ADK: variants seen among roughly 807,000 people sequenced by gnomAD.
ADK encodes the protein N6,N6-dimethyladenosine kinase.
In ADK, 24 loss-of-function variants were observed where a neutral mutation model predicts 44.7. The observed-to-expected ratio is 0.54, with a 90% confidence interval of 0.39 to 0.76. The LOEUF (loss-of-function observed/expected upper bound fraction) is 0.76. Ranked by LOEUF, ADK falls within the 30% of genes least tolerant of loss-of-function variation. The pLI is 0.00. For synonymous variants in ADK, 128 were observed against 142.6 expected (o/e 0.90, Z 0.73); for missense variants, 321 against 425.1 (o/e 0.76, Z 2.15).
intron 1 of ADK, among the ~76,000 whole-genome samples, chr10:74,163,835 CAT>C (rs1243266452): frequency 1.3e-5 from 2 of 152,170 alleles, no homozygotes; most frequent in South Asian, 2.1e-4. Flanking sequence ...AACTTAACCA[CAT>C]AGAGATTTAA....
At chr10:74,278,639 T>C (rs1371122834) in intron 3 of ADK, among the ~76,000 whole-genome samples, 1 of 152,184 alleles carries the variant, frequency 6.6e-6, no homozygotes, top group East Asian at 1.9e-4. Context: ...TTGACCAATA[T>C]GTCCTTTTTC....
intron 5 of ADK, among the ~76,000 whole-genome samples, chr10:74,395,550 T>C (rs1158614176): frequency 6.6e-6 from 1 of 152,126 alleles, no homozygotes; most frequent in Non-Finnish European, 1.5e-5. Flanking sequence ...AAAAAACAAC[T>C]AAAAATGTTG....
intron 4 of ADK, among the ~76,000 whole-genome samples, chr10:74,355,776 G>T (rs181638184): frequency 4.6e-5 from 7 of 152,104 alleles, no homozygotes; most frequent in Admixed American, 2.6e-4. Context: ...TATATATAAA[G>T]ACTTAGGTTT....
At chr10:74,523,127 A>G (rs1848904665) in intron 6 of ADK, among the ~76,000 whole-genome samples, 3 of 152,220 alleles carry the variant, frequency 2.0e-5, no homozygotes, top group Non-Finnish European at 4.4e-5. Flanking sequence ...ATTTATCAAA[A>G]GAAACTAATA....
chr10:74,303,884 G>T (rs555223499), intron 3 of ADK, among the ~76,000 whole-genome samples: 2 of 151,362 alleles, frequency 1.3e-5, no homozygotes, highest in African/African-American at 4.9e-5. Flanking sequence ...CAGGAGAATC[G>T]CTTGAACCCG....
At chr10:74,244,440 CT>C (rs1290305707) in intron 3 of ADK, among the ~76,000 whole-genome samples, 5 of 152,114 alleles carry the variant, frequency 3.3e-5, no homozygotes. Context: ...GTGTTTAGTA[CT>C]GTATGTTTAT....
At chr10:74,223,760 A>G (rs767207033) in intron 2 of ADK, among the ~76,000 whole-genome samples, 4 of 152,078 alleles carry the variant, frequency 2.6e-5, no homozygotes, top group African/African-American at 7.2e-5. Flanking sequence ...GTACTTGCCT[A>G]TGGTCACTTA....
intron 7 of ADK, among the ~76,000 whole-genome samples, chr10:74,574,276 T>C (rs1851095869): frequency 2.6e-5 from 4 of 151,800 alleles, no homozygotes; most frequent in Admixed American, 2.6e-4. Flanking sequence ...ATTGAAGCGA[T>C]TCTCCTGCCT....
intron 7 of ADK, among the ~76,000 whole-genome samples, chr10:74,551,203 T>G (rs994536713): frequency 2.6e-5 from 4 of 152,132 alleles, no homozygotes; most frequent in Admixed American, 2.6e-4. Context: ...TTGGGATCAG[T>G]GGATATTCAT....
At chr10:74,547,994 A>G (rs1849899501) in intron 7 of ADK, among the ~76,000 whole-genome samples, 1 of 150,106 alleles carries the variant, frequency 6.7e-6, no homozygotes, top group East Asian at 2.0e-4. Context: ...GGGTTTCATC[A>G]TGTTGGCCAT....
intron 7 of ADK, among the ~76,000 whole-genome samples, chr10:74,562,463 A>G (rs1850498094): frequency 6.6e-6 from 1 of 152,164 alleles, no homozygotes; most frequent in Non-Finnish European, 1.5e-5. Flanking sequence ...GATGGGTGCA[A>G]ACACTTTCAC....
At chr10:74,363,114 T>C (rs965240786) in intron 4 of ADK, among the ~76,000 whole-genome samples, 2 of 152,196 alleles carry the variant, frequency 1.3e-5, no homozygotes, top group African/African-American at 2.4e-5. Flanking sequence ...ATCTGGGCAG[T>C]TTCTTGACTG....
At chr10:74,206,905 G>A (rs911908486) in intron 2 of ADK, among the ~76,000 whole-genome samples, 1 of 152,160 alleles carries the variant, frequency 6.6e-6, no homozygotes, top group Non-Finnish European at 1.5e-5. Context: ...CTTTGCCTGA[G>A]GTTTGCTTGT....
chr10:74,673,361 C>T (rs1478549926), intron 10 of ADK, among the ~76,000 whole-genome samples: 2 of 152,222 alleles, frequency 1.3e-5, no homozygotes, highest in African/African-American at 4.8e-5. Context: ...GGATATTTCC[C>T]TAAGCCCTTC....
chr10:74,633,058 T>C (rs1853496572), intron 9 of ADK, among the ~76,000 whole-genome samples: 1 of 152,208 alleles, frequency 6.6e-6, no homozygotes, highest in African/African-American at 2.4e-5. Flanking sequence ...GAAATTGATT[T>C]AGTATTTTAA....
intron 6 of ADK, among the ~76,000 whole-genome samples, chr10:74,492,141 C>G (rs1847513308): frequency 6.6e-6 from 1 of 151,886 alleles, no homozygotes; most frequent in African/African-American, 2.4e-5. Flanking sequence ...AGTAAAAATT[C>G]ACGTTTTGTT....
intron 3 of ADK, among the ~76,000 whole-genome samples, chr10:74,286,978 C>T (rs888266895): frequency 3.9e-5 from 6 of 152,082 alleles, no homozygotes; most frequent in Middle Eastern, 3.4e-3. Context: ...TGAGCCACCG[C>T]GAGTGGTCTT....
intron 6 of ADK, among the ~76,000 whole-genome samples, chr10:74,490,900 A>C (rs185533245): frequency 6.6e-6 from 1 of 152,214 alleles, no homozygotes; most frequent in East Asian, 1.9e-4. Flanking sequence ...TTTAGGTACC[A>C]CGTGTTAGAT....
At chr10:74,470,644 G>A (rs934820917) in intron 6 of ADK, among the ~76,000 whole-genome samples, 5 of 51,742 alleles carry the variant, frequency 9.7e-5, no homozygotes, top group South Asian at 4.8e-4. Context: ...GGATTCTTTC[G>A]GGGGTGAGGT....
Sources: gnomAD v4.1 joint callset for allele counts (sites outside exome capture counted in the v4.1 genomes callset) on GRCh38, gnomAD v4.1.1 for gene constraint, MANE v1.5 for transcripts, NCBI Gene and HGNC (gene_info 2026-07-23, HGNC 2026-07-21) for gene names.